OSBPL3: variants seen among roughly 807,000 people sequenced by gnomAD.
OSBPL3 encodes oxysterol binding protein like 3, also known as oxysterol-binding protein-related protein 3.
A neutral mutation model predicts 120.1 loss-of-function variants in OSBPL3; 65 were observed. That is an observed-to-expected ratio of 0.54 (90% CI 0.44 to 0.67). OSBPL3 has a LOEUF of 0.67. OSBPL3 is among the 30% of genes least tolerant of loss of function. The pLI is 0.00. For synonymous variants in OSBPL3, 416 were observed against 402.6 expected (o/e 1.03, Z -0.40); for missense variants, 1,004 against 1,082.1 (o/e 0.93, Z 1.01).
Position 24,820,304 on chromosome 7 carries a change from T to G in OSBPL3, c.1885-66A>C. Reference sequence around the variant, plus strand: ...CTTTTGTGTCTCATGAAATCCATTCTTTCTCCCCTGCACTGAGATGTAACA... The same window carrying G: ...CTTTTGTGTCTCATGAAATCCATTCGTTCTCCCCTGCACTGAGATGTAACA... On this transcript the variant is annotated intron_variant, in intron 16 of 22. Transcript: ENST00000313367. The surrounding 1 kb of genome is among the most constrained non-coding windows in gnomAD (Gnocchi z 4.6). The G allele has an allele frequency of 8.4e-7, 1 of 1,196,906 alleles. No individual in the cohort carries two copies. 74.1% of individuals were successfully genotyped at this position (1,196,906 alleles called of 1,614,324 possible).
At position 24,932,744 on chromosome 7, in the gene OSBPL3, A is replaced by G. The variant is rs1811939826; in HGVS notation, c.-149-40123T>C. On this transcript the variant is annotated intron_variant, in intron 1 of 22. Transcript: ENST00000313367. The surrounding 1 kb of genome is among the most constrained non-coding windows in gnomAD (Gnocchi z 5.6). ...AGTAAATTTCTGATGTTTATAAGCC[A>G]CCCAGTTTATGCTATTTTGTTAGAG... is the stretch of plus-strand genomic sequence containing the variant. Among the ~76,000 whole-genome samples, 1 of 152,202 alleles carries G rather than the reference A, an allele frequency of 6.6e-6. No individual in the cohort carries two copies. The highest frequency in any genetic ancestry group is 1.5e-5 in the Non-Finnish European group (1 of 68,030).
At position 24,947,415 on chromosome 7, in the gene OSBPL3, C is replaced by T. The variant is rs1200718664; in HGVS notation, c.-150+32471G>A. ...CAGCATGTGTGCAGCCTGGCTTTAC[C>T]CAGGCACCAGAAGCCTCCAGAGCAT... On this transcript the variant is annotated intron_variant, in intron 1 of 22. Transcript: ENST00000313367. This position sits in a 1 kb window ranked among gnomAD's most constrained non-coding sequence, Gnocchi z 4.4. 6.6e-6 allele frequency among the ~76,000 whole-genome samples: 1 copy of T among 152,148 alleles called. No homozygotes were observed. The highest frequency in any genetic ancestry group is 1.5e-5 in the Non-Finnish European group (1 of 68,036).
chr7:24,910,647 T>C (rs1057012801), intron 1 of OSBPL3, among the ~76,000 whole-genome samples: 2 of 152,192 alleles, frequency 1.3e-5, no homozygotes, highest in Non-Finnish European at 2.9e-5. Context: ...ATCAAGGAGA[T>C]AAGATGTCAC....
rs753311019 is a variant in OSBPL3, at chr7:24,852,712, A to T, written c.1028-78T>A. 1.0e-6 allele frequency: 1 copy of T among 977,788 alleles called. No individual in the cohort carries two copies. The highest frequency in any genetic ancestry group is 1.7e-5 in the African/African-American group (1 of 59,916). 60.6% of individuals were successfully genotyped at this position (977,788 alleles called of 1,614,324 possible). On this transcript the variant is annotated intron_variant, in intron 10 of 22. Transcript: ENST00000313367. The surrounding 1 kb of genome is among the most constrained non-coding windows in gnomAD (Gnocchi z 4.1). The stretch of plus-strand genomic sequence containing the variant: ...AAATACAGAAAAAAACATATCTCTT[A>T]TAAAAGAAACAAGCAAAGTAACAGC...
At chr7:24,971,873 C>T (rs557095753) in intron 1 of OSBPL3, among the ~76,000 whole-genome samples, 1 of 152,298 alleles carries the variant, frequency 6.6e-6, no homozygotes, top group Admixed American at 6.5e-5. Context: ...GGATGGTTTC[C>T]CATTCCCTAA....
At chr7:24,864,556 C>T (rs774460719) in intron 7 of OSBPL3, among the ~76,000 whole-genome samples, 1 of 152,190 alleles carries the variant, frequency 6.6e-6, no homozygotes, top group African/African-American at 2.4e-5. Context: ...GGTGATATTA[C>T]CTGTATTCAA....
Position 24,965,796 on chromosome 7 carries a change from C to G in OSBPL3, c.-150+14090G>C, listed in dbSNP as rs748175839. On this transcript the variant is annotated intron_variant, in intron 1 of 22. Coordinates refer to ENST00000313367, the MANE Select transcript of OSBPL3 (RefSeq NM_015550.4). This position sits in a 1 kb window ranked among gnomAD's most constrained non-coding sequence, Gnocchi z 4.3. ...GAACTCCTAACCTCAAGCAATCCTC[C>G]CACCTCAGCCTCCCAAAGTGTTGGG... Among the ~76,000 whole-genome samples the G allele has an allele frequency of 1.3e-5, 2 of 152,176 alleles. No homozygotes were observed. The highest frequency in any genetic ancestry group is 2.1e-4 in the South Asian group (1 of 4,832).
rs769200743 is a variant in OSBPL3, at chr7:24,820,226, G to C, written c.1897C>G (p.Pro633Ala). The C allele has an allele frequency of 1.9e-6, 3 of 1,611,868 alleles. No homozygotes were observed. The highest frequency in any genetic ancestry group is 2.5e-6 in the Non-Finnish European group (3 of 1,178,500). Reference protein sequence around the residue: ...QFFSEQVSHHPPISACHAESR... With the variant: ...QFFSEQVSHHAPISACHAESR... ...TCAGCATGACACGCAGAGATAGGCG[G>C]ATGGTGGCTGACCTGATGGAAACAA... The change falls in exon 17 of 23, where the codon CCG becomes GCG. Residue 633 changes from proline to alanine, a missense_variant. Pro to Ala is a conservative substitution (Grantham distance 27, BLOSUM62 -1). Coordinates refer to ENST00000313367, the MANE Select transcript of OSBPL3 (RefSeq NM_015550.4). This position sits in a 1 kb window ranked among gnomAD's most constrained non-coding sequence, Gnocchi z 4.6.
intron 20 of OSBPL3, among the ~76,000 whole-genome samples, chr7:24,809,049 C>T (rs567843498): frequency 3.0e-4 from 46 of 152,150 alleles, no homozygotes; most frequent in Admixed American, 1.2e-3. Context: ...AGGTAAATTG[C>T]CTATGTAACA....
At chr7:24,810,168 G>C in intron 19 of OSBPL3, 1 of 510,934 alleles carries the variant, frequency 2.0e-6, no homozygotes, top group Non-Finnish European at 3.5e-6. Context: ...ATACATTGTG[G>C]AATGGCTAAA....
Position 24,972,538 on chromosome 7 carries a change from T to C in OSBPL3, c.-150+7348A>G, listed in dbSNP as rs1394178673. Among the ~76,000 whole-genome samples the C allele has an allele frequency of 6.6e-6, 1 of 152,152 alleles. No homozygotes were observed. Among genetic ancestry groups the C allele is most frequent in the African/African-American group, 2.4e-5 (1 of 41,432 alleles). Reference sequence around the variant, plus strand: ...AGTCTGTAAGCTCCTTGAAGGGAGGTTCCACATCTGTTCAATTCATCGCCA... The same window carrying C: ...AGTCTGTAAGCTCCTTGAAGGGAGGCTCCACATCTGTTCAATTCATCGCCA... On this transcript the variant is annotated intron_variant, in intron 1 of 22. Coordinates refer to ENST00000313367, the MANE Select transcript of OSBPL3 (RefSeq NM_015550.4). The surrounding 1 kb of genome is among the most constrained non-coding windows in gnomAD (Gnocchi z 4.3).
Position 24,861,484 on chromosome 7 carries a change from T to C in OSBPL3, c.1027+129A>G, listed in dbSNP as rs182637846. 83 of 575,804 alleles carry C rather than the reference T, an allele frequency of 1.4e-4. No individual in the cohort carries two copies. In the Admixed American group the frequency reaches 1.8e-3, roughly 12 times the overall value. The allele number at this position is 575,804 out of a possible 1,614,324, so 35.7% of individuals were successfully genotyped here. A position where few individuals can be genotyped will look rare whatever the true frequency, so the allele number is the denominator to read the frequency against. Reference sequence around the variant, plus strand: ...ACTACTAGGGAAATAAAATAAAGATTAGGTTTCCCTAAATCTTAATAGAGC... The same window carrying C: ...ACTACTAGGGAAATAAAATAAAGATCAGGTTTCCCTAAATCTTAATAGAGC... On this transcript the variant is annotated intron_variant, in intron 10 of 22. Coordinates refer to ENST00000313367, the MANE Select transcript of OSBPL3 (RefSeq NM_015550.4).
At chr7:24,825,805 A>G (rs200555835) in intron 16 of OSBPL3, among the ~76,000 whole-genome samples, 1 of 152,214 alleles carries the variant, frequency 6.6e-6, no homozygotes, top group East Asian at 1.9e-4. Context: ...GAAAAGGAAG[A>G]AAGGCTGAGC....
chr7:24,913,275 T>C lies in OSBPL3; in HGVS notation c.-149-20654A>G, dbSNP rs550854372. ...TGTTTGTGACACTGCATTAGATCGC[T>C]GAAACCCCAGGCAGGAAGCCCTGGC... On this transcript the variant is annotated intron_variant, in intron 1 of 22. Transcript: ENST00000313367. This position sits in a 1 kb window ranked among gnomAD's most constrained non-coding sequence, Gnocchi z 5.3. Among the ~76,000 whole-genome samples the C allele has an allele frequency of 6.6e-6, 1 of 152,318 alleles. No homozygotes were observed. The highest frequency in any genetic ancestry group is 2.4e-5 in the African/African-American group (1 of 41,574).
chr7:24,865,318 A>G (rs745605201), intron 7 of OSBPL3, 24 bp downstream of exon 7: 2 of 1,612,460 alleles, frequency 1.2e-6, no homozygotes, highest in South Asian at 1.1e-5. Context: ...CACAACAGAA[A>G]GCAGACGTTT....
At chr7:24,961,559 C>G (rs1201336403) in intron 1 of OSBPL3, among the ~76,000 whole-genome samples, 2 of 152,086 alleles carry the variant, frequency 1.3e-5, no homozygotes, top group Non-Finnish European at 2.9e-5. Context: ...GCTGCCATGC[C>G]CCATCCACCA....
chr7:24,841,703 A>AC, intron 13 of OSBPL3, among the ~76,000 whole-genome samples: 1 of 141,852 alleles, frequency 7.0e-6, no homozygotes, highest in Non-Finnish European at 1.5e-5. Flanking sequence ...TCAAAAAAAA[A>AC]AAAAAAAAAA....
intron 12 of OSBPL3, among the ~76,000 whole-genome samples, chr7:24,843,172 C>T (rs1374062341): frequency 6.6e-6 from 1 of 152,066 alleles, no homozygotes; most frequent in African/African-American, 2.4e-5. Flanking sequence ...TAACAATGAA[C>T]CAGACAAGGT....
rs1433878462 is a variant in OSBPL3, at chr7:24,852,700, A to G, written c.1028-66T>C. 1 of 1,061,456 alleles carries G rather than the reference A, an allele frequency of 9.4e-7. No homozygotes were observed. 65.8% of individuals were successfully genotyped at this position (1,061,456 alleles called of 1,614,324 possible). A position where few individuals can be genotyped will look rare whatever the true frequency, so the allele number is the denominator to read the frequency against. On this transcript the variant is annotated intron_variant, in intron 10 of 22. Transcript: ENST00000313367. The surrounding 1 kb of genome is among the most constrained non-coding windows in gnomAD (Gnocchi z 4.1). ...TAATTAAAAACAAAATACAGAAAAA[A>G]ACATATCTCTTATAAAAGAAACAAG... is the stretch of plus-strand genomic sequence containing the variant.
Sources: gnomAD v4.1 joint callset for allele counts (sites outside exome capture counted in the v4.1 genomes callset) on GRCh38, gnomAD v4.1.1 for gene constraint, Gnocchi (gnomAD v3.1) non-coding constraint, MANE v1.5 for transcripts, NCBI Gene and HGNC (gene_info 2026-07-23, HGNC 2026-07-21) for gene names.